The following SEMA4D variants were observed in gnomAD, a reference collection of about 807,000 sequenced individuals.
SEMA4D encodes semaphorin-4D.
Under a neutral mutation model 74.8 loss-of-function variants are expected in SEMA4D, and 22 were observed. The ratio of observed to expected loss-of-function variants is 0.29; its 90% CI spans 0.21 to 0.42. SEMA4D has a LOEUF of 0.42. Among genes scored for constraint, SEMA4D ranks in the 10% least tolerant of loss-of-function variants. SEMA4D has a pLI of 1.00. For synonymous variants in SEMA4D, 445 were observed against 463.7 expected (o/e 0.96, Z 0.52); for missense variants, 937 against 1,118.4 (o/e 0.84, Z 2.31).
At chr9:89,464,038 G>C (rs991437045) in intron 1 of SEMA4D, among the ~76,000 whole-genome samples, 1 of 151,742 alleles carries the variant, frequency 6.6e-6, no homozygotes, top group Non-Finnish European at 1.5e-5. Context: ...CCTTAGACAC[G>C]TGCTTTTGGG....
intron 16 of SEMA4D, among the ~76,000 whole-genome samples, chr9:89,372,004 G>T (rs1349375980): frequency 3.9e-5 from 2 of 51,822 alleles, no homozygotes; most frequent in African/African-American, 1.8e-4. Context: ...GTGTGTCTGG[G>T]GTGTGGTGTG....
intron 9 of SEMA4D, 122 bp downstream of exon 9, chr9:89,391,142 G>T (rs1185631487): frequency 2.1e-6 from 2 of 964,520 alleles, no homozygotes; most frequent in African/African-American, 1.6e-5. Flanking sequence ...CTGCATCTGA[G>T]GCCCAAGGGA....
intron 2 of SEMA4D, among the ~76,000 whole-genome samples, chr9:89,439,695 G>C (rs1828430993): frequency 2.0e-5 from 3 of 152,194 alleles, no homozygotes; most frequent in African/African-American, 7.2e-5. Context: ...CTGGTCTAAA[G>C]ATCATCGCAG....
At chr9:89,419,392 CAT>C (rs1194979970) in intron 2 of SEMA4D, among the ~76,000 whole-genome samples, 3 of 152,180 alleles carry the variant, frequency 2.0e-5, no homozygotes, top group Non-Finnish European at 4.4e-5. Flanking sequence ...CAGGGCTGAG[CAT>C]TTGGGCACAA....
At chr9:89,416,447 T>A (rs548955032) in intron 2 of SEMA4D, among the ~76,000 whole-genome samples, 40 of 93,294 alleles carry the variant, frequency 4.3e-4, no homozygotes, top group African/African-American at 9.1e-4. Flanking sequence ...ACCGAAGACA[T>A]GTGTAGAGCA....
chr9:89,397,465 G>C (rs113180196), intron 5 of SEMA4D, among the ~76,000 whole-genome samples: 2,123 of 152,320 alleles, frequency 0.014, 54 homozygotes, highest in East Asian at 0.094. Flanking sequence ...GGCTGCACTA[G>C]GAGAGCCTGG....
chr9:89,473,850 AAAAAC>A (rs199999984), intron 1 of SEMA4D, among the ~76,000 whole-genome samples: 26 of 152,230 alleles, frequency 1.7e-4, no homozygotes, highest in African/African-American at 5.3e-4. Flanking sequence ...CTCCATCTCA[AAAAAC>A]AAAACAAAAC....
chr9:89,488,208 A>G (rs1461089440), intron 1 of SEMA4D, among the ~76,000 whole-genome samples: 1 of 152,198 alleles, frequency 6.6e-6, no homozygotes, highest in Non-Finnish European at 1.5e-5. Flanking sequence ...GTATCAACAT[A>G]ATTCACTGGA....
At chr9:89,468,262 A>C (rs17054918) in intron 1 of SEMA4D, among the ~76,000 whole-genome samples, 13,231 of 152,286 alleles carry the variant, frequency 0.087, 834 homozygotes, top group Admixed American at 0.16. Context: ...AGCATGACAC[A>C]GATTTTTTAA....
intron 2 of SEMA4D, among the ~76,000 whole-genome samples, chr9:89,412,969 G>A (rs1014471641): frequency 1.3e-5 from 2 of 152,144 alleles, no homozygotes; most frequent in Non-Finnish European, 2.9e-5. Flanking sequence ...AATCATTGAT[G>A]GGTGTTACAT....
intron 1 of SEMA4D, among the ~76,000 whole-genome samples, chr9:89,479,414 C>T (rs1862595720): frequency 6.6e-6 from 1 of 152,230 alleles, no homozygotes; most frequent in Non-Finnish European, 1.5e-5. Context: ...GTGTTTGTTA[C>T]TTCAACACCT....
intron 13 of SEMA4D, among the ~76,000 whole-genome samples, chr9:89,382,891 G>A (rs570232779): frequency 2.6e-5 from 4 of 152,282 alleles, no homozygotes; most frequent in African/African-American, 9.6e-5. Context: ...GCTGTGGAGG[G>A]TGGGGTGGGC....
intron 2 of SEMA4D, chr9:89,449,747 C>G: frequency 6.6e-7 from 1 of 1,524,276 alleles, no homozygotes; most frequent in Non-Finnish European, 9.1e-7. Context: ...CAGGGAAAAT[C>G]TTCAAGAAAG....
At chr9:89,448,935 G>A (rs182933992) in intron 2 of SEMA4D, among the ~76,000 whole-genome samples, 377 of 152,286 alleles carry the variant, frequency 2.5e-3, no homozygotes, top group South Asian at 8.9e-3. Flanking sequence ...CTCCTCCCAC[G>A]GGAAGGCAGG....
At chr9:89,393,240 G>A (rs1840234572) in intron 7 of SEMA4D, among the ~76,000 whole-genome samples, 1 of 152,220 alleles carries the variant, frequency 6.6e-6, no homozygotes, top group Non-Finnish European at 1.5e-5. Flanking sequence ...GCTCAGAGGT[G>A]AGAGACCACT....
At chr9:89,428,596 G>A (rs556682251) in intron 2 of SEMA4D, among the ~76,000 whole-genome samples, 19 of 16,550 alleles carry the variant, frequency 1.1e-3, no homozygotes, top group African/African-American at 5.0e-3. Flanking sequence ...TCAAGGTCAC[G>A]GAGCCTGCTC....
At chr9:89,376,047 A>G (rs569573111), downstream of SEMA4D, among the ~76,000 whole-genome samples, 2 of 152,276 alleles carry the variant, frequency 1.3e-5, no homozygotes, top group South Asian at 2.1e-4. Context: ...TATGTTGCTC[A>G]AGCTGCTGTG....
At chr9:89,380,721 C>T (rs186363488) in intron 15 of SEMA4D, among the ~76,000 whole-genome samples, 1 of 152,178 alleles carries the variant, frequency 6.6e-6, no homozygotes, top group Non-Finnish European at 1.5e-5. Context: ...CCTTACACTG[C>T]CTGAGGATTA....
At chr9:89,432,826 T>C (rs1415974246) in intron 2 of SEMA4D, among the ~76,000 whole-genome samples, 1 of 152,210 alleles carries the variant, frequency 6.6e-6, no homozygotes, top group African/African-American at 2.4e-5. Flanking sequence ...TGACGGTCCC[T>C]TAAAACTTTA....
Sources: gnomAD v4.1 joint callset for allele counts (sites outside exome capture counted in the v4.1 genomes callset) on GRCh38, gnomAD v4.1.1 for gene constraint, MANE v1.5 for transcripts, NCBI Gene and HGNC (gene_info 2026-07-23, HGNC 2026-07-21) for gene names.